The following ZNF569 variants were observed in gnomAD, a reference collection of about 807,000 sequenced individuals.
ZNF569 encodes zinc finger protein 569.
A neutral mutation model predicts 56.3 loss-of-function variants in ZNF569; 38 were observed. The observed-to-expected ratio is 0.68, with a 90% CI of 0.52 to 0.88. ZNF569 has a LOEUF of 0.88. Among genes scored for constraint, ZNF569 ranks in the 40% least tolerant of loss-of-function variants. The pLI, the probability that ZNF569 is intolerant of heterozygous loss-of-function variation, is 0.00. For missense variants in ZNF569, 666 were observed against 809.2 expected, an observed-to-expected ratio of 0.82 and a Z score of 2.15; for synonymous variants, 241 against 262.9, an observed-to-expected ratio of 0.92 and a Z score of 0.81.
chr19:37,421,693 C>G (rs559820218), intron 5 of ZNF569, among the ~76,000 whole-genome samples: 1 of 148,220 alleles, frequency 6.7e-6, no homozygotes, highest in South Asian at 2.1e-4. Context: ...AACAATAAGG[C>G]TATTTTGCTT....
intron 5 of ZNF569, among the ~76,000 whole-genome samples, chr19:37,419,969 C>CTTTTTTTTTT (rs60568702): frequency 1.2e-3 from 120 of 100,600 alleles, no homozygotes; most frequent in Non-Finnish European, 1.4e-3. Flanking sequence ...TCTTTTCTTT[C>CTTTTTTTTTT]TTTTTTTTTT....
At chr19:37,449,820 A>G (rs2041563318) in intron 2 of ZNF569, among the ~76,000 whole-genome samples, 2 of 152,078 alleles carry the variant, frequency 1.3e-5, no homozygotes, top group Admixed American at 6.5e-5. Context: ...CTTTTATTCA[A>G]TGTGATAAGC....
At position 37,415,596 on chromosome 19, in the gene ZNF569, C is replaced by T. The variant is rs966428838; in HGVS notation, c.239-1177G>A. Among the ~76,000 whole-genome samples the T allele has an allele frequency of 6.6e-5, 10 of 151,970 alleles. No individual in the cohort carries two copies. In the East Asian group the frequency reaches 9.7e-4, roughly 15 times the overall value. On this transcript the variant is annotated intron_variant, in intron 5 of 5. Coordinates refer to ENST00000316950, the MANE Select transcript of ZNF569 (RefSeq NM_152484.3). Reference sequence around the variant, plus strand: ...GAGGTATGAAAATTAAGAGGCCGGGCGCGGTGGCTCATGCCTATAATCCCA... The same window carrying T: ...GAGGTATGAAAATTAAGAGGCCGGGTGCGGTGGCTCATGCCTATAATCCCA...
intron 2 of ZNF569, among the ~76,000 whole-genome samples, chr19:37,458,265 C>T (rs1044817969): frequency 7.2e-5 from 11 of 152,078 alleles, no homozygotes; most frequent in Admixed American, 2.0e-4. Flanking sequence ...ATGAGTATTA[C>T]CTTAAATTAC....
At chr19:37,447,371 T>TA (rs1205054532) in intron 2 of ZNF569, among the ~76,000 whole-genome samples, 1 of 152,142 alleles carries the variant, frequency 6.6e-6, no homozygotes, top group Non-Finnish European at 1.5e-5. Flanking sequence ...AATAAAGGCA[T>TA]AAAAACAGAG....
upstream of ZNF569, chr19:37,469,164 C>T: frequency 8.6e-7 from 1 of 1,168,812 alleles, no homozygotes. Context: ...TCTGGAAGGC[C>T]GGGGAGAGGC....
At chr19:37,457,553 T>TC (rs2041692580) in intron 2 of ZNF569, among the ~76,000 whole-genome samples, 1 of 152,132 alleles carries the variant, frequency 6.6e-6, no homozygotes, top group African/African-American at 2.4e-5. Flanking sequence ...TGGATGAAGC[T>TC]GGAAACCATC....
intron 2 of ZNF569, among the ~76,000 whole-genome samples, chr19:37,456,474 G>A (rs865903893): frequency 5.9e-5 from 9 of 152,062 alleles, no homozygotes; most frequent in South Asian, 2.1e-4. Context: ...CTTAGGGCCC[G>A]TATGTTTGAG....
At chr19:37,466,041 C>G (rs1051787599) in intron 1 of ZNF569, among the ~76,000 whole-genome samples, 1 of 152,146 alleles carries the variant, frequency 6.6e-6, no homozygotes, top group Non-Finnish European at 1.5e-5. Flanking sequence ...ATTTTGAAGC[C>G]ATTATGCACA....
intron 2 of ZNF569, among the ~76,000 whole-genome samples, chr19:37,449,523 C>T (rs1477206278): frequency 6.6e-6 from 1 of 152,116 alleles, no homozygotes; most frequent in African/African-American, 2.4e-5. Context: ...TATCTTGAAG[C>T]TCTGTTAGCT....
chr19:37,445,233 G>C (rs2041473480), intron 2 of ZNF569, among the ~76,000 whole-genome samples: 1 of 152,094 alleles, frequency 6.6e-6, no homozygotes. Context: ...AAGCATATAT[G>C]CAGGAAAATT....
At chr19:37,446,595 A>C (rs1230122421) in intron 2 of ZNF569, among the ~76,000 whole-genome samples, 1 of 150,938 alleles carries the variant, frequency 6.6e-6, no homozygotes, top group Non-Finnish European at 1.5e-5. Flanking sequence ...CTTATCTCTC[A>C]CCTTATACAA....
At chr19:37,414,967 CAG>C (rs2040903688) in intron 5 of ZNF569, among the ~76,000 whole-genome samples, 1 of 151,974 alleles carries the variant, frequency 6.6e-6, no homozygotes, top group Non-Finnish European at 1.5e-5. Flanking sequence ...AAAATTCTAA[CAG>C]ATTTTAAAGG....
At chr19:37,466,730 A>G (rs906118584) in intron 1 of ZNF569, 6 of 152,320 alleles carry the variant, frequency 3.9e-5, no homozygotes, top group African/African-American at 1.4e-4. Flanking sequence ...ACCCACAAGC[A>G]CACCCTACCT....
chr19:37,422,360 T>C (rs1393079391), intron 5 of ZNF569, among the ~76,000 whole-genome samples: 1 of 152,088 alleles, frequency 6.6e-6, no homozygotes, highest in Non-Finnish European at 1.5e-5. Context: ...ACATTTAACA[T>C]CAATTAAGTC....
rs1480285766 is a variant in ZNF569, at chr19:37,413,063, GAGA to G, written c.1592_1594del (p.Phe531del). ...ATGAAGGGTAAGGGATGCAATTTGA[GAGA>G]AGGCTTTACCACATTCATTACAATC... On this transcript the variant is annotated inframe_deletion, in exon 6 of 6. Coordinates refer to ENST00000316950, the MANE Select transcript of ZNF569 (RefSeq NM_152484.3). 6.2e-7 allele frequency: 1 copy of G among 1,614,034 alleles called. No individual in the cohort carries two copies. Among genetic ancestry groups the G allele is most frequent in the Non-Finnish European group, 8.5e-7 (1 of 1,179,942 alleles).
chr19:37,455,574 T>C (rs570050175), intron 2 of ZNF569, among the ~76,000 whole-genome samples: 13 of 151,882 alleles, frequency 8.6e-5, no homozygotes, highest in Admixed American at 4.6e-4. Flanking sequence ...CTAAAACTCA[T>C]TGAAAGCTCT....
intron 3 of ZNF569, among the ~76,000 whole-genome samples, chr19:37,427,138 G>T (rs1218824179): frequency 3.6e-5 from 3 of 84,350 alleles, no homozygotes; most frequent in African/African-American, 3.0e-4. Context: ...GGGCAATGTG[G>T]CGAAACCGTC....
chr19:37,468,708 A>G (rs113781745), upstream of ZNF569, among the ~76,000 whole-genome samples: 2 of 151,982 alleles, frequency 1.3e-5, no homozygotes, highest in African/African-American at 4.8e-5. Flanking sequence ...GGGTTTCACC[A>G]TGTTGGTCAG....
Sources: allele counts gnomAD v4.1 joint callset (sites outside exome capture counted in the v4.1 genomes callset), GRCh38; gene constraint gnomAD v4.1.1; transcripts MANE v1.5; gene names NCBI Gene and HGNC (gene_info 2026-07-23, HGNC 2026-07-21).